B4GALNT4: variants seen among roughly 807,000 people sequenced by gnomAD.
B4GALNT4 encodes N-acetyl-beta-glucosaminyl-glycoprotein 4-beta-N-acetylgalactosaminyltransferase 1.
In B4GALNT4, 77 loss-of-function variants were observed where a neutral mutation model predicts 110.0. The observed-to-expected ratio is 0.70, with a 90% CI of 0.58 to 0.85. The LOEUF is 0.85. B4GALNT4 is among the 40% of genes least tolerant of loss of function. The probability of loss-of-function intolerance (pLI) is 0.00; values close to 1 mark genes in which losing one functional copy is unlikely to be tolerated. For missense variants in B4GALNT4, 1,575 were observed against 1,506.0 expected, an observed-to-expected ratio of 1.05 and a Z score of -0.76; for synonymous variants, 785 against 655.5, an observed-to-expected ratio of 1.20 and a Z score of -3.02.
intron 14 of B4GALNT4, among the ~76,000 whole-genome samples, chr11:378,030 G>A (rs1478438440): frequency 6.6e-6 from 1 of 152,252 alleles, no homozygotes; most frequent in Non-Finnish European, 1.5e-5. Context: ...GCAGAGGATG[G>A]AGGCAGAACC....
In B4GALNT4 at chr11:369,546, A is replaced by T. The variant is rs1447767281; in HGVS notation, c.-258A>T. ...TGCTGTTCGGTCCCGCCGCCGCCCC[A>T]GGAGCGCGGAGCCGGGAGCGGCCGG... is the stretch of plus-strand genomic sequence containing the variant. On this transcript the variant is annotated 5_prime_UTR_variant, in exon 1 of 20. Coordinates refer to ENST00000329962, the MANE Select transcript of B4GALNT4 (RefSeq NM_178537.5). Among the ~76,000 whole-genome samples, 1 of 141,154 alleles carries T rather than the reference A, an allele frequency of 7.1e-6. No individual in the cohort carries two copies. Among genetic ancestry groups the T allele is most frequent in the East Asian group, 2.1e-4 (1 of 4,726 alleles). 92.6% of individuals were successfully genotyped at this position (141,154 alleles called of 152,430 possible). A position where few individuals can be genotyped will look rare whatever the true frequency, so the allele number is the denominator to read the frequency against.
chr11:373,410 C>CG (rs757140063), intron 6 of B4GALNT4, 39 bp from the exon 7 acceptor site: 7 of 409,494 alleles, frequency 1.7e-5, no homozygotes, highest in South Asian at 7.7e-5. Flanking sequence ...GAGAGTGAAC[C>CG]CCCCCCCCCA....
rs767181007 is a variant in B4GALNT4, at chr11:373,112, G to A, written c.531G>A (p.Arg177=). ...TTTTTGGTTTCATCCACCCGGCGAG[G>A]GACGGTACGGGGGTGAGGGTGCCCC... The part of the protein sequence containing the change: ...LRIFGFIHPA[R]DGDVQFSVAS... Residue 177 remains arginine, a synonymous_variant, in exon 5 of 20, where the codon AGG becomes AGA. Coordinates refer to ENST00000329962, the MANE Select transcript of B4GALNT4 (RefSeq NM_178537.5). 6.3e-5 allele frequency: 102 copies of A among 1,612,514 alleles called. 4 individuals carry two copies. In the South Asian group the frequency reaches 1.1e-3, roughly 17 times the overall value.
In B4GALNT4 at chr11:375,677, C is replaced by T; in HGVS notation, c.889C>T (p.Pro297Ser). 2 of 1,593,820 alleles carry T rather than the reference C, an allele frequency of 1.3e-6. No individual in the cohort carries two copies. Among genetic ancestry groups the T allele is most frequent in the Non-Finnish European group, 8.5e-7 (1 of 1,174,996 alleles). Residue 297 changes from proline (P) to serine (S), a missense_variant, in exon 10 of 20, where the codon CCC (proline) becomes TCC (serine). Physicochemically the swap from Pro to Ser is moderately conservative, Grantham distance 74. Coordinates refer to ENST00000329962, the MANE Select transcript of B4GALNT4 (RefSeq NM_178537.5). ...ALKMDHVAHV[P>S]QSPASHVGGR... Reference sequence around the variant, plus strand: ...GAAGATGGACCACGTGGCGCACGTCCCCCAGTCTCCAGCCAGCCACGTGGG... The same window carrying T: ...GAAGATGGACCACGTGGCGCACGTCTCCCAGTCTCCAGCCAGCCACGTGGG...
Position 376,432 on chromosome 11 carries a change from G to A in B4GALNT4, c.1309G>A (p.Asp437Asn), listed in dbSNP as rs138227476. 3.8e-6 allele frequency: 6 copies of A among 1,597,348 alleles called. No individual in the cohort carries two copies. The highest frequency in any genetic ancestry group is 4.2e-6 in the Non-Finnish European group (5 of 1,178,482). ...CGCGTTTCCCGCAGACTTCCTGGAC[G>A]ACGAGGACGAGGGGGAGCTGCTCGA... ...LFLNPDDFLDDEDEGELLDSL... is the reference protein window; with the variant it reads ...LFLNPDDFLDNEDEGELLDSL... The change falls in exon 14 of 20, where the codon GAC becomes AAC. Residue 437 changes from aspartate (D) to asparagine (N), a missense_variant. By Grantham distance (23) the Asp-to-Asn change is conservative (BLOSUM62 1). Coordinates refer to ENST00000329962, the MANE Select transcript of B4GALNT4 (RefSeq NM_178537.5).
In B4GALNT4 at chr11:379,973, G is replaced by A. The variant is rs201217686; in HGVS notation, c.2596G>A (p.Glu866Lys). The stretch of plus-strand genomic sequence containing the variant: ...CGTCGTCCTGGTGGATTTCGAGAGC[G>A]AGGATATGGACGTGGAGCGGGCCCT... Reference protein sequence around the residue: ...FSVVLVDFESEDMDVERALRA... With the variant: ...FSVVLVDFESKDMDVERALRA... The change falls in exon 16 of 20, where the codon GAG becomes AAG. Residue 866 changes from glutamate (E) to lysine (K), a missense_variant. By Grantham distance (56) the Glu-to-Lys change is moderately conservative (BLOSUM62 1). Transcript: ENST00000329962. 31 of 1,612,988 alleles carry A rather than the reference G, an allele frequency of 1.9e-5. No homozygotes were observed. In the East Asian group the frequency reaches 6.0e-4, roughly 31 times the overall value.
At position 376,333 on chromosome 11, in the gene B4GALNT4, C is replaced by G; in HGVS notation, c.1279C>G (p.Leu427Val). 6.2e-7 allele frequency: 1 copy of G among 1,609,132 alleles called. No homozygotes were observed. Among genetic ancestry groups the G allele is most frequent in the Non-Finnish European group, 8.5e-7 (1 of 1,177,896 alleles). ...EEDEVQRRAF[L>V]FLNPDDFLDD... ...AGACGAGGTGCAGCGCCGAGCCTTC[C>G]TCTTCCTCAACCCGGACGGTGAGTG... The change falls in exon 13 of 20, where the codon CTC (leucine) becomes GTC (valine). Residue 427 changes from leucine to valine, a missense_variant. Coordinates refer to ENST00000329962, the MANE Select transcript of B4GALNT4 (RefSeq NM_178537.5).
At chr11:373,618 G>A in intron 7 of B4GALNT4, 102 bp downstream of exon 7, 1 of 1,524,338 alleles carries the variant, frequency 6.6e-7, no homozygotes, top group Non-Finnish European at 9.0e-7. Flanking sequence ...CTCTGCACGA[G>A]CACCCGCCCG....
chr11:372,547 A>G (rs1268568913), intron 2 of B4GALNT4, 115 bp from the exon 3 acceptor site: 1 of 931,150 alleles, frequency 1.1e-6, no homozygotes, highest in African/African-American at 1.6e-5. Flanking sequence ...GCTCACGGGC[A>G]TTTAGGGCTG....
chr11:377,213 G>T lies in B4GALNT4; in HGVS notation c.2090G>T (p.Arg697Leu). ...SVGAVDFELL[R>L]SDWNDLRCNV... Reference sequence around the variant, plus strand: ...GGCGCCGTGGACTTCGAGCTGCTGCGCTCGGACTGGAACGACCTGCGATGC... The same window carrying T: ...GGCGCCGTGGACTTCGAGCTGCTGCTCTCGGACTGGAACGACCTGCGATGC... The change falls in exon 14 of 20, where the codon CGC becomes CTC. Residue 697 changes from arginine to leucine, a missense_variant. Coordinates refer to ENST00000329962, the MANE Select transcript of B4GALNT4 (RefSeq NM_178537.5). 6.3e-7 allele frequency: 1 copy of T among 1,595,318 alleles called. No homozygotes were observed. The highest frequency in any genetic ancestry group is 1.1e-5 in the South Asian group (1 of 88,270).
intron 14 of B4GALNT4, among the ~76,000 whole-genome samples, chr11:377,981 G>A (rs371219908): frequency 7.2e-5 from 11 of 152,384 alleles, no homozygotes; most frequent in African/African-American, 1.2e-4. Context: ...CCTTGAAGGC[G>A]AGTTAGGAGT....
intron 17 of B4GALNT4, 34 bp downstream of exon 17, chr11:380,236 C>T: frequency 2.5e-6 from 4 of 1,606,250 alleles, no homozygotes; most frequent in Non-Finnish European, 3.4e-6. Flanking sequence ...GGGAGCAAAA[C>T]GGGGCGTGCC....
Position 377,176 on chromosome 11 carries a change from A to G in B4GALNT4, c.2053A>G (p.Thr685Ala). The change falls in exon 14 of 20, where the codon ACG (threonine) becomes GCG (alanine). Residue 685 changes from threonine to alanine, a missense_variant. Transcript: ENST00000329962. ...WREDAIDWQRTFSVGAVDFEL... is the reference protein window; with the variant it reads ...WREDAIDWQRAFSVGAVDFEL... ...TGAGGACGCCATCGACTGGCAGCGC[A>G]CGTTCAGCGTGGGCGCCGTGGACTT... 1.3e-6 allele frequency: 2 copies of G among 1,573,400 alleles called. No individual in the cohort carries two copies. Among genetic ancestry groups the G allele is most frequent in the Non-Finnish European group, 1.7e-6 (2 of 1,161,388 alleles).
At position 377,150 on chromosome 11, in the gene B4GALNT4, G is replaced by A. The variant is rs770437353; in HGVS notation, c.2027G>A (p.Arg676His). 27 of 1,544,628 alleles carry A rather than the reference G, an allele frequency of 1.7e-5. No homozygotes were observed. Among genetic ancestry groups the A allele is most frequent in the Non-Finnish European group, 2.4e-5 (27 of 1,146,894 alleles). ...EAAGPALGRW[R>H]EDAIDWQRTF... ...GCGGGCCCGGCGCTCGGACGCTGGC[G>A]TGAGGACGCCATCGACTGGCAGCGC... Residue 676 changes from arginine (R) to histidine (H), a missense_variant, in exon 14 of 20, where the codon CGT becomes CAT. Physicochemically the swap from Arg to His is conservative, Grantham distance 29. Transcript: ENST00000329962.
At position 372,928 on chromosome 11, in the gene B4GALNT4, ACTTC is replaced by A. The variant is rs754086633; in HGVS notation, c.427_430del (p.Phe143ArgfsTer10). 1 of 1,604,074 alleles carries A rather than the reference ACTTC, an allele frequency of 6.2e-7. No individual in the cohort carries two copies. The highest frequency in any genetic ancestry group is 8.5e-7 in the Non-Finnish European group (1 of 1,177,088). On this transcript the variant is annotated frameshift_variant, in exon 4 of 20. Coordinates refer to ENST00000329962, the MANE Select transcript of B4GALNT4 (RefSeq NM_178537.5). LOFTEE classifies it high-confidence loss of function. ...GTGGGCCACCTGAGGAGGAACCTGC[ACTTC>A]CCGCTGTTCCCTCATGTGAGTGCCG...
chr11:377,323 G>A lies in B4GALNT4; in HGVS notation c.2200G>A (p.Gly734Ser), dbSNP rs1033962655. ...QYMERLNARH[G>S]GRFALLRIVN... The stretch of plus-strand genomic sequence containing the variant: ...CATGGAGCGGCTGAACGCGCGCCAC[G>A]GCGGGTATGGGGGCGGCCGAACGCG... Residue 734 changes from glycine to serine, a missense_variant, in exon 14 of 20, where the codon GGC (glycine) becomes AGC (serine). By Grantham distance (56) the Gly-to-Ser change is moderately conservative. Transcript: ENST00000329962. The A allele has an allele frequency of 2.0e-6, 3 of 1,533,414 alleles. No homozygotes were observed. The highest frequency in any genetic ancestry group is 2.1e-5 in the Admixed American group (1 of 48,564). 95.0% of individuals were successfully genotyped at this position (1,533,414 alleles called of 1,614,324 possible).
Position 380,141 on chromosome 11 carries a change from T to G in B4GALNT4, c.2654T>G (p.Leu885Arg), listed in dbSNP as rs1224656581. 1 of 1,603,584 alleles carries G rather than the reference T, an allele frequency of 6.2e-7. No individual in the cohort carries two copies. The highest frequency in any genetic ancestry group is 8.5e-7 in the Non-Finnish European group (1 of 1,173,036). ...CTCGCCCTCCCCAGGTACCAGTACCTGAGACGAACCGGGAACTTCGAGCGC... is the reference window on the plus strand; with the variant it reads ...CTCGCCCTCCCCAGGTACCAGTACCGGAGACGAACCGGGAACTTCGAGCGC... ...RAARLPRYQY[L>R]RRTGNFERSA... Residue 885 changes from leucine to arginine, a missense_variant, in exon 17 of 20, where the codon CTG becomes CGG. Coordinates refer to ENST00000329962, the MANE Select transcript of B4GALNT4 (RefSeq NM_178537.5).
chr11:376,883 C>A lies in B4GALNT4; in HGVS notation c.1760C>A (p.Pro587Gln). The change falls in exon 14 of 20, where the codon CCG (proline) becomes CAG (glutamine). Residue 587 changes from proline to glutamine, a missense_variant. Coordinates refer to ENST00000329962, the MANE Select transcript of B4GALNT4 (RefSeq NM_178537.5). ...ACCGGCGGCCCCCAGGCCACACAGC[C>A]GAGGCCCCCAGCCCGGGCGCAGGCC... ...RRTGGPQATQ[P>Q]RPPARAQATQ... The A allele has an allele frequency of 1.5e-6, 2 of 1,349,402 alleles. No homozygotes were observed. Among genetic ancestry groups the A allele is most frequent in the East Asian group, 3.2e-5 (1 of 31,118 alleles). 83.6% of individuals were successfully genotyped at this position (1,349,402 alleles called of 1,614,324 possible). A position where few individuals can be genotyped will look rare whatever the true frequency, so the allele number is the denominator to read the frequency against.
chr11:380,665 C>T lies in B4GALNT4; in HGVS notation c.2870-160C>T, dbSNP rs1188735061. 3.7e-6 allele frequency: 5 copies of T among 1,345,110 alleles called. No individual in the cohort carries two copies. The Admixed American group carries it at 8.7e-5, about 23-fold the overall frequency. The allele number at this position is 1,345,110 out of a possible 1,614,324, so 83.3% of individuals were successfully genotyped here. A position where few individuals can be genotyped will look rare whatever the true frequency, so the allele number is the denominator to read the frequency against. On this transcript the variant is annotated intron_variant, in intron 18 of 19. Coordinates refer to ENST00000329962, the MANE Select transcript of B4GALNT4 (RefSeq NM_178537.5). ...CAGTATCCCGCGTTTATGCACCGCG[C>T]TCCAGGGTCATGACCCAGTACCACC...
Sources: gnomAD v4.1 joint callset for allele counts (sites outside exome capture counted in the v4.1 genomes callset) on GRCh38, gnomAD v4.1.1 for gene constraint, MANE v1.5 for transcripts, NCBI Gene and HGNC (gene_info 2026-07-23, HGNC 2026-07-21) for gene names.